ARHGAP10: variants seen among roughly 807,000 people sequenced by gnomAD.
ARHGAP10 encodes Rho GTPase activating protein 10, also known as rho GTPase-activating protein 10.
In ARHGAP10, 87 loss-of-function variants were observed where a neutral mutation model predicts 108.6. The observed-to-expected ratio is 0.80, with a 90% CI of 0.67 to 0.96. ARHGAP10 has a LOEUF of 0.96. Ranked by LOEUF, ARHGAP10 falls within the 40% of genes least tolerant of loss-of-function variation. ARHGAP10 has a pLI of 0.00. For synonymous variants in ARHGAP10, 347 were observed against 341.1 expected (o/e 1.02, Z -0.19); for missense variants, 939 against 954.5 (o/e 0.98, Z 0.21).
At chr4:147,835,696 A>G (rs1187202322) in intron 3 of ARHGAP10, among the ~76,000 whole-genome samples, 1 of 152,140 alleles carries the variant, frequency 6.6e-6, no homozygotes, top group Non-Finnish European at 1.5e-5. Flanking sequence ...TTGATTTAAC[A>G]GTTTATTGCC....
intron 11 of ARHGAP10, among the ~76,000 whole-genome samples, chr4:147,907,430 T>C (rs764536625): frequency 6.6e-6 from 1 of 152,162 alleles, no homozygotes; most frequent in African/African-American, 2.4e-5. Context: ...TATGTATGAC[T>C]CTAAATAAAC....
At chr4:147,805,050 G>A (rs1263227628) in intron 1 of ARHGAP10, among the ~76,000 whole-genome samples, 1 of 152,082 alleles carries the variant, frequency 6.6e-6, no homozygotes. Flanking sequence ...TCTTGGCTAG[G>A]TCCTCTATCC....
chr4:147,988,358 A>G (rs754808329), intron 18 of ARHGAP10, among the ~76,000 whole-genome samples: 1 of 152,114 alleles, frequency 6.6e-6, no homozygotes, highest in Non-Finnish European at 1.5e-5. Flanking sequence ...TTACTAGATC[A>G]TGTTTTCTGA....
intron 18 of ARHGAP10, among the ~76,000 whole-genome samples, chr4:148,022,293 A>G (rs952983042): frequency 5.3e-5 from 8 of 152,126 alleles, no homozygotes; most frequent in African/African-American, 1.9e-4. Context: ...CCCCACATAC[A>G]TTAGGTATTT....
At chr4:147,850,166 T>A (rs1407080136) in intron 4 of ARHGAP10, among the ~76,000 whole-genome samples, 2 of 151,974 alleles carry the variant, frequency 1.3e-5, no homozygotes, top group Admixed American at 6.6e-5. Flanking sequence ...TTTGTCTAGC[T>A]AATGGTTTGT....
chr4:147,804,646 A>G (rs962846520), intron 1 of ARHGAP10, among the ~76,000 whole-genome samples: 2 of 152,088 alleles, frequency 1.3e-5, no homozygotes, highest in Admixed American at 1.3e-4. Context: ...CCTTGCCAGC[A>G]TTTGTTATTT....
At chr4:147,905,931 C>T (rs1579184134) in intron 10 of ARHGAP10, among the ~76,000 whole-genome samples, 2 of 152,260 alleles carry the variant, frequency 1.3e-5, no homozygotes, top group South Asian at 4.1e-4. Context: ...TGTAGTTCTC[C>T]TTGAAGAGGT....
At chr4:147,778,589 A>G (rs763864558) in intron 1 of ARHGAP10, among the ~76,000 whole-genome samples, 18 of 152,274 alleles carry the variant, frequency 1.2e-4, no homozygotes, top group Non-Finnish European at 2.4e-4. Context: ...GTAAATATGC[A>G]CGTGTTCTCT....
chr4:148,042,252 G>T (rs1335730453), intron 19 of ARHGAP10, among the ~76,000 whole-genome samples: 7 of 152,126 alleles, frequency 4.6e-5, no homozygotes, highest in Admixed American at 4.6e-4. Context: ...TTTGTTCACT[G>T]AGTTCTAATG....
At chr4:148,015,487 G>A (rs1042874654) in intron 18 of ARHGAP10, among the ~76,000 whole-genome samples, 22 of 152,146 alleles carry the variant, frequency 1.4e-4, no homozygotes, top group Admixed American at 2.0e-4. Flanking sequence ...CAGAACAAAC[G>A]TGAAACTGTA....
At chr4:147,866,451 A>C (rs1473824297) in intron 6 of ARHGAP10, 1 of 340,006 alleles carries the variant, frequency 2.9e-6, no homozygotes, top group Non-Finnish European at 5.3e-6. Flanking sequence ...ATGACTTAAT[A>C]ATTCAATTTT....
chr4:147,827,396 G>A (rs979891668), intron 3 of ARHGAP10, among the ~76,000 whole-genome samples: 2 of 152,152 alleles, frequency 1.3e-5, no homozygotes, highest in African/African-American at 4.8e-5. Context: ...GACAAGGAAT[G>A]GGAAAAGAAA....
chr4:147,968,985 C>A (rs1739303093), intron 18 of ARHGAP10, among the ~76,000 whole-genome samples: 1 of 152,196 alleles, frequency 6.6e-6, no homozygotes, highest in South Asian at 2.1e-4. Flanking sequence ...TTTCTCTCTG[C>A]TAAGATCCTT....
At chr4:147,835,896 G>A (rs1264370497) in intron 3 of ARHGAP10, among the ~76,000 whole-genome samples, 1 of 151,780 alleles carries the variant, frequency 6.6e-6, no homozygotes, top group South Asian at 2.1e-4. Context: ...TTAAAATATC[G>A]AAGCGAGGTT....
At chr4:147,936,559 G>C (rs1737952407) in intron 13 of ARHGAP10, among the ~76,000 whole-genome samples, 1 of 151,848 alleles carries the variant, frequency 6.6e-6, no homozygotes, top group South Asian at 2.1e-4. Flanking sequence ...TCGATCTCCT[G>C]ACCTCATGAT....
intron 18 of ARHGAP10, among the ~76,000 whole-genome samples, chr4:148,003,440 G>A (rs2149647432): frequency 6.6e-6 from 1 of 152,262 alleles, no homozygotes; most frequent in African/African-American, 2.4e-5. Flanking sequence ...TCCACTTGGT[G>A]CGGAGCTGAG....
chr4:147,978,832 CAT>C (rs1476300609), intron 18 of ARHGAP10, among the ~76,000 whole-genome samples: 11 of 152,272 alleles, frequency 7.2e-5, no homozygotes, highest in Admixed American at 6.5e-4. Flanking sequence ...ACAATTTTTT[CAT>C]ATGTTTTTTG....
intron 19 of ARHGAP10, among the ~76,000 whole-genome samples, chr4:148,043,247 C>T (rs766347176): frequency 9.2e-5 from 14 of 151,946 alleles, no homozygotes; most frequent in Non-Finnish European, 7.4e-5. Flanking sequence ...TTCTAATCGG[C>T]GGTAGTTCAT....
intron 1 of ARHGAP10, among the ~76,000 whole-genome samples, chr4:147,805,405 G>A (rs933070810): frequency 9.2e-5 from 14 of 152,158 alleles, no homozygotes; most frequent in African/African-American, 2.9e-4. Flanking sequence ...CAGGAAATGT[G>A]ATACCTCCAG....
Sources: gnomAD v4.1 joint callset for allele counts (sites outside exome capture counted in the v4.1 genomes callset) on GRCh38, gnomAD v4.1.1 for gene constraint, MANE v1.5 for transcripts, NCBI Gene and HGNC (gene_info 2026-07-23, HGNC 2026-07-21) for gene names.